The following TMEM232 variants were observed in gnomAD, a reference collection of about 807,000 sequenced individuals.
The protein encoded by TMEM232 is transmembrane protein 232.
In TMEM232, 80 loss-of-function variants were observed where a neutral mutation model predicts 78.8. The ratio of observed to expected loss-of-function variants is 1.01; its 90% confidence interval spans 0.85 to 1.22. The LOEUF (loss-of-function observed/expected upper bound fraction) is 1.22, where lower values mean the gene tolerates loss of function less well. TMEM232 is among the 50% of genes most tolerant of loss of function. The probability of loss-of-function intolerance (pLI) is 0.00; values close to 1 mark genes in which losing one functional copy is unlikely to be tolerated. For synonymous variants in TMEM232, 297 were observed against 254.3 expected (o/e 1.17, Z -1.60); for missense variants, 881 against 742.2 (o/e 1.19, Z -2.17).
chr5:110,465,647 A>G (rs574062994), intron 12 of TMEM232, among the ~76,000 whole-genome samples: 1 of 152,350 alleles, frequency 6.6e-6, no homozygotes, highest in South Asian at 2.1e-4. Context: ...ATAGACAACT[A>G]ATCTAGAAAT....
At chr5:110,641,494 C>G (rs1202324697) in intron 3 of TMEM232, among the ~76,000 whole-genome samples, 3 of 152,092 alleles carry the variant, frequency 2.0e-5, no homozygotes, top group Non-Finnish European at 2.9e-5. Context: ...AACACTTGCA[C>G]AATTGGAGAA....
intron 11 of TMEM232, among the ~76,000 whole-genome samples, chr5:110,545,958 T>C (rs1773728699): frequency 6.6e-6 from 1 of 152,164 alleles, no homozygotes; most frequent in South Asian, 2.1e-4. Flanking sequence ...AGCACATCAA[T>C]TAACATTTGT....
In TMEM232 at chr5:110,638,403, T is replaced by C. The variant is rs755171286; in HGVS notation, c.344-48A>G. On this transcript the variant is annotated intron_variant, in intron 4 of 13. Transcript: ENST00000455884. Reference sequence around the variant, plus strand: ...ACTGCATCATTTGAAAATCATCCTGTTTTTCCACATGCTATAATTACTTTT... The same window carrying C: ...ACTGCATCATTTGAAAATCATCCTGCTTTTCCACATGCTATAATTACTTTT... 5 of 1,452,334 alleles carry C rather than the reference T, an allele frequency of 3.4e-6. No homozygotes were observed. The South Asian group carries it at 6.8e-5, about 20-fold the overall frequency. The allele number at this position is 1,452,334 out of a possible 1,614,324, so 90.0% of individuals were successfully genotyped here.
At chr5:110,498,714 T>C (rs1765889467) in intron 12 of TMEM232, among the ~76,000 whole-genome samples, 1 of 152,158 alleles carries the variant, frequency 6.6e-6, no homozygotes, top group Non-Finnish European at 1.5e-5. Flanking sequence ...CTTACAAGTG[T>C]ATTGCTTTAG....
intron 11 of TMEM232, among the ~76,000 whole-genome samples, chr5:110,551,839 C>T (rs76706611): frequency 0.029 from 4,427 of 152,118 alleles, 69 homozygotes; most frequent in African/African-American, 0.047. Context: ...AAATAAATGA[C>T]TTTACATTTA....
chr5:110,656,610 C>T (rs191213400), intron 2 of TMEM232, among the ~76,000 whole-genome samples: 3 of 152,104 alleles, frequency 2.0e-5, no homozygotes, highest in East Asian at 1.9e-4. Context: ...GAGGCTGAGG[C>T]GGGAGGATCA....
chr5:110,570,101 T>C (rs2149689029), intron 10 of TMEM232, among the ~76,000 whole-genome samples: 1 of 152,100 alleles, frequency 6.6e-6, no homozygotes, highest in East Asian at 1.9e-4. Context: ...TAAGGTATCA[T>C]CTACCTTTTC....
At chr5:110,721,883 T>A (rs772629015) in intron 1 of TMEM232, among the ~76,000 whole-genome samples, 1 of 151,264 alleles carries the variant, frequency 6.6e-6, no homozygotes, top group Non-Finnish European at 1.5e-5. Flanking sequence ...GAAGCAGCTA[T>A]GGGAGAGAAG....
chr5:110,447,074 A>T (rs1759733022), intron 12 of TMEM232, among the ~76,000 whole-genome samples: 1 of 151,702 alleles, frequency 6.6e-6, no homozygotes, highest in African/African-American at 2.4e-5. Context: ...AGGCACCAGG[A>T]ACATAGGTAC....
intron 11 of TMEM232, among the ~76,000 whole-genome samples, chr5:110,556,517 AG>A (rs1775113877): frequency 6.6e-6 from 1 of 152,014 alleles, no homozygotes; most frequent in African/African-American, 2.4e-5. Context: ...CCTCCTGAGT[AG>A]TTCAGACCAC....
At chr5:110,572,640 A>G (rs1408279464) in intron 10 of TMEM232, among the ~76,000 whole-genome samples, 1 of 152,086 alleles carries the variant, frequency 6.6e-6, no homozygotes, top group African/African-American at 2.4e-5. Flanking sequence ...ATGATAAACC[A>G]TAAAATATAT....
chr5:110,476,926 G>C (rs557386731), intron 12 of TMEM232, among the ~76,000 whole-genome samples: 1 of 151,974 alleles, frequency 6.6e-6, no homozygotes, highest in South Asian at 2.1e-4. Flanking sequence ...GGATGATAAC[G>C]TAGATGGTGT....
chr5:110,662,315 T>C (rs566132277), intron 2 of TMEM232, among the ~76,000 whole-genome samples: 1 of 152,148 alleles, frequency 6.6e-6, no homozygotes, highest in African/African-American at 2.4e-5. Flanking sequence ...TGCTGGACAA[T>C]ACCTATATGA....
At chr5:110,522,939 C>A (rs2149506191) in intron 12 of TMEM232, among the ~76,000 whole-genome samples, 1 of 152,242 alleles carries the variant, frequency 6.6e-6, no homozygotes, top group South Asian at 2.1e-4. Flanking sequence ...TAGTTGGAAG[C>A]TTTCCCTCCT....
chr5:110,450,753 G>A (rs1760184313), intron 12 of TMEM232, among the ~76,000 whole-genome samples: 1 of 152,276 alleles, frequency 6.6e-6, no homozygotes, highest in African/African-American at 2.4e-5. Flanking sequence ...TCTTGGGGCA[G>A]AGATTGCAAT....
chr5:110,516,162 C>T (rs1581029761), intron 12 of TMEM232, among the ~76,000 whole-genome samples: 1 of 152,108 alleles, frequency 6.6e-6, no homozygotes, highest in Non-Finnish European at 1.5e-5. Flanking sequence ...CGGCGTGAAC[C>T]TGGGAGGCGG....
chr5:110,727,611 G>GA (rs550369453), upstream of TMEM232, among the ~76,000 whole-genome samples: 317 of 147,580 alleles, frequency 2.1e-3, 1 homozygote, highest in African/African-American at 5.2e-3. Context: ...TCCATCTAAA[G>GA]AAAAAAAAAA....
intron 1 of TMEM232, among the ~76,000 whole-genome samples, chr5:110,702,775 C>T (rs997634976): frequency 3.9e-5 from 6 of 151,972 alleles, no homozygotes; most frequent in Non-Finnish European, 7.4e-5. Context: ...CCCTTGTGGA[C>T]ATCATAGAAA....
chr5:110,679,724 TATTA>T (rs1218707984), intron 1 of TMEM232, among the ~76,000 whole-genome samples: 18 of 139,922 alleles, frequency 1.3e-4, no homozygotes, highest in Non-Finnish European at 1.7e-4. Flanking sequence ...TTTATCTCCA[TATTA>T]ATTAGTTACA....
Sources: allele counts gnomAD v4.1 joint callset (sites outside exome capture counted in the v4.1 genomes callset), GRCh38; gene constraint gnomAD v4.1.1; transcripts MANE v1.5; gene names NCBI Gene and HGNC (gene_info 2026-07-23, HGNC 2026-07-21).